Variants in ADK observed in about 807,000 individuals in gnomAD.
ADK encodes N6,N6-dimethyladenosine kinase.
A neutral mutation model predicts 44.7 loss-of-function variants in ADK; 24 were observed. The observed-to-expected ratio is 0.54, with a 90% CI of 0.39 to 0.76. ADK has a LOEUF of 0.76. Among genes scored for constraint, ADK ranks in the 30% least tolerant of loss-of-function variants. The probability of loss-of-function intolerance (pLI) is 0.00; values close to 1 mark genes in which losing one functional copy is unlikely to be tolerated. For missense variants in ADK, 321 were observed against 425.1 expected, an observed-to-expected ratio of 0.76 and a Z score of 2.15; for synonymous variants, 128 against 142.6, an observed-to-expected ratio of 0.90 and a Z score of 0.73.
chr10:74,380,752 T>C (rs894480477), intron 4 of ADK, among the ~76,000 whole-genome samples: 2 of 152,032 alleles, frequency 1.3e-5, no homozygotes, highest in Admixed American at 1.3e-4. Flanking sequence ...AGTGAGACCC[T>C]GTCTCAAAAA....
intron 7 of ADK, among the ~76,000 whole-genome samples, chr10:74,582,869 GTT>G (rs781630524): frequency 9.2e-5 from 14 of 152,072 alleles, no homozygotes; most frequent in Non-Finnish European, 1.6e-4. Flanking sequence ...TCTCCAAAAA[GTT>G]ATATGATATA....
intron 3 of ADK, among the ~76,000 whole-genome samples, chr10:74,304,244 T>C (rs546186156): frequency 2.5e-4 from 37 of 146,442 alleles, no homozygotes; most frequent in African/African-American, 9.2e-4. Context: ...CATTTACTTC[T>C]TTTTTTTTTT....
chr10:74,566,936 A>G (rs1174263680), intron 7 of ADK, among the ~76,000 whole-genome samples: 1 of 152,232 alleles, frequency 6.6e-6, no homozygotes, highest in Non-Finnish European at 1.5e-5. Flanking sequence ...TTCTGTGAAT[A>G]TGTGTTTTGC....
intron 8 of ADK, among the ~76,000 whole-genome samples, chr10:74,591,358 G>A (rs938078608): frequency 6.6e-6 from 1 of 152,138 alleles, no homozygotes; most frequent in African/African-American, 2.4e-5. Flanking sequence ...TGCTCTGTCA[G>A]TGATATTGAC....
Position 74,535,104 on chromosome 10 carries a change from C to T in ADK, c.726+9678C>T, listed in dbSNP as rs1002499857. On this transcript the variant is annotated intron_variant, in intron 7 of 10. Coordinates refer to ENST00000539909, the MANE Select transcript of ADK (RefSeq NM_006721.4). ...ATAAAAGATTAAAGGCAGTAAAAAG[C>T]TGTAAACATCTGTATTCAGGAGTGC... 4.6e-5 allele frequency among the ~76,000 whole-genome samples: 7 copies of T among 152,116 alleles called. 1 individual carries two copies. Among genetic ancestry groups the T allele is most frequent in the Non-Finnish European group, 8.8e-5 (6 of 68,022 alleles).
Position 74,431,286 on chromosome 10 carries a change from A to G in ADK, c.555+32707A>G, listed in dbSNP as rs950214831. On this transcript the variant is annotated intron_variant, in intron 6 of 10. Transcript: ENST00000539909. ...TCCAAGAGAATGATTACAGAAACCA[A>G]TAGATTGCCTTATTTATTTATAGTA... Among the ~76,000 whole-genome samples the G allele has an allele frequency of 1.8e-4, 28 of 152,302 alleles. 1 individual carries two copies. The highest frequency in any genetic ancestry group is 1.5e-3 in the Admixed American group (23 of 15,294).
intron 6 of ADK, chr10:74,506,192 A>G (rs1848067558): frequency 6.4e-6 from 1 of 156,696 alleles, no homozygotes; most frequent in Non-Finnish European, 1.4e-5. Flanking sequence ...TATTTTACAG[A>G]AACTTCAAGG....
intron 4 of ADK, among the ~76,000 whole-genome samples, chr10:74,326,621 C>T (rs1473392305): frequency 6.6e-6 from 1 of 151,938 alleles, no homozygotes; most frequent in East Asian, 1.9e-4. Flanking sequence ...TTTAAAAAAA[C>T]AGAACAAAAA....
At chr10:74,624,598 A>G (rs1243734318) in intron 9 of ADK, among the ~76,000 whole-genome samples, 2 of 152,090 alleles carry the variant, frequency 1.3e-5, no homozygotes, top group Non-Finnish European at 2.9e-5. Context: ...AGTAATTTAC[A>G]TGGTTTAGTA....
intron 4 of ADK, among the ~76,000 whole-genome samples, chr10:74,368,022 G>A (rs935768655): frequency 3.3e-5 from 5 of 152,074 alleles, no homozygotes; most frequent in Non-Finnish European, 5.9e-5. Flanking sequence ...GTTAAAATAC[G>A]GAATCTTTAA....
chr10:74,612,134 A>T (rs1360977766), intron 9 of ADK, among the ~76,000 whole-genome samples: 1 of 151,846 alleles, frequency 6.6e-6, no homozygotes, highest in Non-Finnish European at 1.5e-5. Context: ...CCAATGTGTA[A>T]TTTTTTTACT....
intron 6 of ADK, among the ~76,000 whole-genome samples, chr10:74,514,514 C>G (rs1221400493): frequency 7.3e-5 from 11 of 150,812 alleles, no homozygotes; most frequent in African/African-American, 2.7e-4. Context: ...TTCAGAAATT[C>G]TTCTTCTTGG....
intron 6 of ADK, among the ~76,000 whole-genome samples, chr10:74,478,409 A>C (rs1372961788): frequency 3.9e-5 from 6 of 152,112 alleles, no homozygotes; most frequent in African/African-American, 1.4e-4. Context: ...ATTTTCATAG[A>C]GATGAGTGTC....
intron 6 of ADK, among the ~76,000 whole-genome samples, chr10:74,405,701 C>T (rs933084766): frequency 3.3e-5 from 5 of 152,040 alleles, no homozygotes; most frequent in African/African-American, 1.2e-4. Flanking sequence ...CCTGAAACCA[C>T]GCCTCCTACC....
chr10:74,382,358 C>G (rs1842998778), intron 4 of ADK, among the ~76,000 whole-genome samples: 2 of 152,182 alleles, frequency 1.3e-5, no homozygotes, highest in African/African-American at 2.4e-5. Flanking sequence ...CTCAGCCTCC[C>G]AAAATGCTGG....
chr10:74,517,362 A>G (rs1451182000), intron 6 of ADK, among the ~76,000 whole-genome samples: 1 of 152,100 alleles, frequency 6.6e-6, no homozygotes, highest in East Asian at 1.9e-4. Flanking sequence ...CATTTATAAC[A>G]TACCTGAAGT....
At chr10:74,432,407 A>T (rs1845033000) in intron 6 of ADK, among the ~76,000 whole-genome samples, 1 of 152,190 alleles carries the variant, frequency 6.6e-6, no homozygotes, top group Non-Finnish European at 1.5e-5. Context: ...CACATTGATC[A>T]TCCTTGTATT....
chr10:74,683,618 A>T (rs548351451), intron 10 of ADK, among the ~76,000 whole-genome samples: 100 of 152,352 alleles, frequency 6.6e-4, no homozygotes, highest in African/African-American at 2.2e-3. Context: ...CTGAAATGAC[A>T]TGAAAAATAC....
In ADK at chr10:74,201,040, C is replaced by G. The variant is rs79619905; in HGVS notation, c.140+202C>G. On this transcript the variant is annotated intron_variant, in intron 2 of 10. Coordinates refer to ENST00000539909, the MANE Select transcript of ADK (RefSeq NM_006721.4). Reference sequence around the variant, plus strand: ...TCCTTGGGAAAACTTATATACATTGCTATTTTTACTTAAAACTTTTTTGCT... The same window carrying G: ...TCCTTGGGAAAACTTATATACATTGGTATTTTTACTTAAAACTTTTTTGCT... Among the ~76,000 whole-genome samples, 611 of 152,192 alleles carry G rather than the reference C, an allele frequency of 4.0e-3. 3 individuals are homozygous for G. The highest frequency in any genetic ancestry group is 0.014 in the African/African-American group (574 of 41,512).
Sources: gnomAD v4.1 joint callset for allele counts (sites outside exome capture counted in the v4.1 genomes callset) on GRCh38, gnomAD v4.1.1 for gene constraint, MANE v1.5 for transcripts, NCBI Gene and HGNC (gene_info 2026-07-23, HGNC 2026-07-21) for gene names.